Variants in KCNH7 observed in about 807,000 individuals in gnomAD.
KCNH7 encodes the protein voltage-gated inwardly rectifying potassium channel KCNH7.
In KCNH7, 49 loss-of-function variants were observed where a neutral mutation model predicts 120.8. The observed-to-expected ratio is 0.41, with a 90% CI of 0.32 to 0.51. KCNH7 has a LOEUF of 0.51. Among genes scored for constraint, KCNH7 ranks in the 20% least tolerant of loss-of-function variants. The pLI is 0.38. For synonymous variants in KCNH7, 547 were observed against 516.1 expected, an observed-to-expected ratio of 1.06 and a Z score of -0.81; for missense variants, 1,097 against 1,446.6, an observed-to-expected ratio of 0.76 and a Z score of 3.92.
rs1558937358 is a variant in KCNH7 at position 162,423,483 on chromosome 2, T to A, written c.2007A>T (p.Leu669=). 1 of 1,614,086 alleles carries A rather than the reference T, an allele frequency of 6.2e-7. No individual in the cohort carries two copies. The highest frequency in any genetic ancestry group is 2.2e-5 in the East Asian group (1 of 44,868). The part of the protein sequence containing the change: ...FGNVSAIIQR[L]YSGTARYHMQ... ...TGTGGTACCTGGCAGTTCCCGAGTA[T>A]AGTCTTTGGATAATTGCAGATACAT... is the stretch of plus-strand genomic sequence containing the variant. Residue 669 remains leucine (L), a synonymous_variant, in exon 9 of 16, where the codon CTA becomes CTT. Transcript: ENST00000332142.
At chr2:162,652,127 T>C (rs1412601777) in intron 2 of KCNH7, among the ~76,000 whole-genome samples, 3 of 152,198 alleles carry the variant, frequency 2.0e-5, no homozygotes, top group Admixed American at 6.5e-5. Context: ...TTTTTCATTT[T>C]AATTAGGAAA....
intron 2 of KCNH7, among the ~76,000 whole-genome samples, chr2:162,786,875 A>G (rs1394950155): frequency 6.6e-6 from 1 of 152,248 alleles, no homozygotes; most frequent in Non-Finnish European, 1.5e-5. Flanking sequence ...ACCATGCTCT[A>G]AGGAATGCAG....
At chr2:162,754,917 C>A (rs367688441) in intron 2 of KCNH7, among the ~76,000 whole-genome samples, 1 of 152,030 alleles carries the variant, frequency 6.6e-6, no homozygotes, top group East Asian at 1.9e-4. Context: ...AATAAATATA[C>A]GAATTTACTG....
intron 2 of KCNH7, among the ~76,000 whole-genome samples, chr2:162,763,020 G>A (rs753569359): frequency 2.6e-5 from 4 of 152,018 alleles, no homozygotes; most frequent in Non-Finnish European, 4.4e-5. Context: ...ACAATGGATA[G>A]AACAGAGATA....
chr2:162,619,256 A>G (rs1374876595), intron 2 of KCNH7, among the ~76,000 whole-genome samples: 1 of 152,120 alleles, frequency 6.6e-6, no homozygotes, highest in Non-Finnish European at 1.5e-5. Context: ...CCAAAATAAA[A>G]AAGGCTTGAA....
At chr2:162,801,545 T>C (rs1684351014) in intron 2 of KCNH7, among the ~76,000 whole-genome samples, 1 of 151,816 alleles carries the variant, frequency 6.6e-6, no homozygotes, top group Admixed American at 6.6e-5. Context: ...ATAATCATTC[T>C]GATGTTCTCA....
At chr2:162,395,744 T>C (rs1187645660) in intron 11 of KCNH7, among the ~76,000 whole-genome samples, 1 of 151,766 alleles carries the variant, frequency 6.6e-6, no homozygotes. Context: ...TCTGAACTGG[T>C]GTATCAGGGT....
intron 3 of KCNH7, among the ~76,000 whole-genome samples, chr2:162,522,752 T>A (rs751826031): frequency 2.6e-5 from 4 of 151,884 alleles, no homozygotes; most frequent in Non-Finnish European, 4.4e-5. Flanking sequence ...CAGAAAGAAT[T>A]ACAAGTACTG....
chr2:162,536,655 G>A (rs1209398375), intron 3 of KCNH7, among the ~76,000 whole-genome samples: 3 of 151,958 alleles, frequency 2.0e-5, no homozygotes, highest in Non-Finnish European at 4.4e-5. Flanking sequence ...ATTTGTAACA[G>A]ACAAAGTTTG....
At chr2:162,530,321 T>C (rs950455106) in intron 3 of KCNH7, among the ~76,000 whole-genome samples, 3 of 152,046 alleles carry the variant, frequency 2.0e-5, no homozygotes, top group African/African-American at 7.2e-5. Flanking sequence ...TGTAGTCATG[T>C]CACATCTTTT....
chr2:162,513,010 C>T (rs1305585857), intron 4 of KCNH7, among the ~76,000 whole-genome samples: 1 of 151,824 alleles, frequency 6.6e-6, no homozygotes, highest in Admixed American at 6.6e-5. Flanking sequence ...TTGTCAACAG[C>T]CAATTTTAGT....
In KCNH7 at chr2:162,679,847, G is replaced by C. The variant is rs770907621; in HGVS notation, c.308-142767C>G. 1.5e-4 allele frequency among the ~76,000 whole-genome samples: 23 copies of C among 151,632 alleles called. 1 individual carries two copies. In the South Asian group the frequency reaches 1.9e-3, roughly 12 times the overall value. ...CCTTCTGAAACATCTTTCTGAATTT[G>C]AATTAATGTGCTTTTGAAGAACCTT... On this transcript the variant is annotated intron_variant, in intron 2 of 15. Coordinates refer to ENST00000332142, the MANE Select transcript of KCNH7 (RefSeq NM_033272.4).
At chr2:162,534,293 T>G (rs1284058083) in intron 3 of KCNH7, among the ~76,000 whole-genome samples, 3 of 151,444 alleles carry the variant, frequency 2.0e-5, no homozygotes, top group Non-Finnish European at 4.4e-5. Context: ...AGCAAAATTT[T>G]GTGAGTTTGA....
intron 2 of KCNH7, among the ~76,000 whole-genome samples, chr2:162,689,265 C>T (rs1686015552): frequency 6.6e-6 from 1 of 152,098 alleles, no homozygotes; most frequent in South Asian, 2.1e-4. Flanking sequence ...GTTCTCCTGT[C>T]TCAGCTTCCT....
intron 2 of KCNH7, among the ~76,000 whole-genome samples, chr2:162,590,166 A>G (rs1018626795): frequency 6.6e-6 from 1 of 152,076 alleles, no homozygotes; most frequent in African/African-American, 2.4e-5. Flanking sequence ...ATTGGTTTTT[A>G]GAGCCTTTTA....
chr2:162,792,701 G>C (rs1268592142), intron 2 of KCNH7, among the ~76,000 whole-genome samples: 1 of 136,524 alleles, frequency 7.3e-6, no homozygotes, highest in African/African-American at 2.6e-5. Flanking sequence ...AGTCTAACAA[G>C]CAGCTTATTT....
intron 9 of KCNH7, among the ~76,000 whole-genome samples, chr2:162,418,994 C>T (rs1457465941): frequency 6.6e-6 from 1 of 151,896 alleles, no homozygotes; most frequent in Non-Finnish European, 1.5e-5. Context: ...CTCTCCCTGT[C>T]TTGAGCTACA....
In KCNH7 at chr2:162,466,340, C is replaced by T. The variant is rs534431683; in HGVS notation, c.1129-19897G>A. On this transcript the variant is annotated intron_variant, in intron 6 of 15. Coordinates refer to ENST00000332142, the MANE Select transcript of KCNH7 (RefSeq NM_033272.4). ...GGTTTAATTCACTCACAGTTCTATA[C>T]GGCTAGGGAAGCCTCAGAAAACTTA... 2.9e-3 allele frequency among the ~76,000 whole-genome samples: 441 copies of T among 152,240 alleles called. 6 individuals are homozygous for T. The highest frequency in any genetic ancestry group is 9.7e-3 in the African/African-American group (401 of 41,548).
intron 2 of KCNH7, among the ~76,000 whole-genome samples, chr2:162,813,902 A>G (rs974959735): frequency 6.6e-6 from 1 of 152,156 alleles, no homozygotes; most frequent in Non-Finnish European, 1.5e-5. Context: ...TTTTTCTTTG[A>G]CTAGCTGATA....
Sources: allele counts gnomAD v4.1 joint callset (sites outside exome capture counted in the v4.1 genomes callset), GRCh38; gene constraint gnomAD v4.1.1; transcripts MANE v1.5; gene names NCBI Gene and HGNC (gene_info 2026-07-23, HGNC 2026-07-21).